Variants in TPD52 observed in about 807,000 individuals in gnomAD.
TPD52 encodes prostate and colon associated protein.
Under a neutral mutation model 31.3 loss-of-function variants are expected in TPD52, and 17 were observed. That is an observed-to-expected ratio of 0.54 (90% CI 0.37 to 0.82). TPD52 has a LOEUF of 0.82. TPD52 is among the 40% of genes least tolerant of loss of function. TPD52 has a pLI of 0.00. For missense variants in TPD52, 212 were observed against 240.1 expected (o/e 0.88, Z 0.77); for synonymous variants, 83 against 89.6 (o/e 0.93, Z 0.42).
chr8:80,049,493 AG>A (rs1179596274), intron 5 of TPD52, among the ~76,000 whole-genome samples: 1 of 152,192 alleles, frequency 6.6e-6, no homozygotes, highest in African/African-American at 2.4e-5. Context: ...TCTGACTTCC[AG>A]GGGTAAGTGT....
chr8:80,078,195 T>C (rs1814810735), intron 1 of TPD52, among the ~76,000 whole-genome samples: 1 of 152,244 alleles, frequency 6.6e-6, no homozygotes, highest in Admixed American at 6.5e-5. Flanking sequence ...AGGAACATCC[T>C]GCCCATAGAT....
chr8:80,158,821 G>A (rs886849875), intron 1 of TPD52: 1 of 149,238 alleles, frequency 6.7e-6, no homozygotes, highest in Non-Finnish European at 1.5e-5. Flanking sequence ...GCGGGCGCCT[G>A]TAGTCCCAGC....
intron 1 of TPD52, among the ~76,000 whole-genome samples, chr8:80,136,647 C>T (rs1809457535): frequency 6.6e-6 from 1 of 151,160 alleles, no homozygotes; most frequent in Admixed American, 6.6e-5. Context: ...TCAAAATCCA[C>T]AACCCAGTAA....
chr8:80,154,054 G>A (rs909496720), intron 1 of TPD52, among the ~76,000 whole-genome samples: 2 of 152,200 alleles, frequency 1.3e-5, no homozygotes, highest in African/African-American at 2.4e-5. Flanking sequence ...AGCAGAACCT[G>A]CCCCACTGTG....
At chr8:80,120,840 G>A (rs1018920461) in intron 1 of TPD52, among the ~76,000 whole-genome samples, 1 of 152,126 alleles carries the variant, frequency 6.6e-6, no homozygotes, top group African/African-American at 2.4e-5. Context: ...AGCACTTTGG[G>A]AGGCTGAAGT....
chr8:80,169,513 C>T (rs2131292731), intron 1 of TPD52, among the ~76,000 whole-genome samples: 1 of 152,358 alleles, frequency 6.6e-6, no homozygotes, highest in East Asian at 1.9e-4. Context: ...TGGAATACTG[C>T]AGTGCTACCA....
intron 1 of TPD52, 92 bp downstream of exon 1, chr8:80,171,333 G>T (rs1201342405): frequency 1.4e-5 from 21 of 1,534,104 alleles, no homozygotes; most frequent in Non-Finnish European, 1.9e-5. Context: ...TGCTCGAGCC[G>T]CCGGGCCGCG....
chr8:80,053,421 C>G lies in TPD52; in HGVS notation c.145G>C (p.Glu49Gln). 1 of 1,612,964 alleles carries G rather than the reference C, an allele frequency of 6.2e-7. No homozygotes were observed. The highest frequency in any genetic ancestry group is 1.1e-5 in the South Asian group (1 of 90,938). Reference protein sequence around the residue: ...LRRELAKVEEEIQTLSQVLAA... With the variant: ...LRRELAKVEEQIQTLSQVLAA... ...AACACTTGAGACAGAGTCTGGATTT[C>G]TTCTTCTACCTATGAGGAAGGGGTT... The change falls in exon 3 of 8, where the codon GAA becomes CAA. Residue 49 changes from glutamate (E) to glutamine (Q), a missense_variant. Coordinates refer to ENST00000518937, the MANE Select transcript of TPD52 (RefSeq NM_001025253.3).
At chr8:80,117,734 C>T (rs1041262986) in intron 1 of TPD52, among the ~76,000 whole-genome samples, 7 of 131,366 alleles carry the variant, frequency 5.3e-5, no homozygotes, top group Admixed American at 8.1e-5. Flanking sequence ...TTTTTTCTTT[C>T]TTTTTTTTTT....
chr8:80,156,116 C>G (rs1019200341), intron 1 of TPD52, among the ~76,000 whole-genome samples: 1 of 152,268 alleles, frequency 6.6e-6, no homozygotes, highest in East Asian at 1.9e-4. Context: ...CTGCTCCACT[C>G]AGCCTCAGTT....
At chr8:80,077,906 C>A (rs533511417) in intron 1 of TPD52, among the ~76,000 whole-genome samples, 1 of 152,268 alleles carries the variant, frequency 6.6e-6, no homozygotes, top group African/African-American at 2.4e-5. Flanking sequence ...GTTGTAAAAT[C>A]CAGTTAGCAG....
rs1198928002 is a variant in TPD52 at position 80,111,305 on chromosome 8, C to T, written c.20-46712G>A. Among the ~76,000 whole-genome samples the T allele has an allele frequency of 5.3e-5, 8 of 152,198 alleles. No individual in the cohort carries two copies. The East Asian group carries it at 1.5e-3, about 29-fold the overall frequency. On this transcript the variant is annotated intron_variant, in intron 1 of 7. Coordinates refer to ENST00000518937, the MANE Select transcript of TPD52 (RefSeq NM_001025253.3). The stretch of plus-strand genomic sequence containing the variant: ...AGTCAGAAATTCCATATTCTGGAGG[C>T]CCTGACTTTGATTGGCATCTGAAGT...
rs531557539 is a variant in TPD52 at position 80,128,001 on chromosome 8, T to G, written c.19+43424A>C. ...TTGGTTTGTATTTCTGTTTTGTTTT[T>G]TTTTTTACATTTTCTAACAAGCAGC... On this transcript the variant is annotated intron_variant, in intron 1 of 7. Coordinates refer to ENST00000518937, the MANE Select transcript of TPD52 (RefSeq NM_001025253.3). Among the ~76,000 whole-genome samples the G allele has an allele frequency of 4.5e-4, 49 of 108,084 alleles. No individual in the cohort carries two copies. The East Asian group carries it at 7.5e-3, about 17-fold the overall frequency. 70.9% of individuals were successfully genotyped at this position (108,084 alleles called of 152,430 possible).
At chr8:80,044,992 T>C (rs1341520526) in intron 5 of TPD52, among the ~76,000 whole-genome samples, 1 of 152,214 alleles carries the variant, frequency 6.6e-6, no homozygotes, top group Non-Finnish European at 1.5e-5. Context: ...CAAATCTAAT[T>C]TTGCATTAAT....
chr8:80,149,989 C>T (rs1404316178), intron 1 of TPD52, among the ~76,000 whole-genome samples: 1 of 152,244 alleles, frequency 6.6e-6, no homozygotes, highest in Non-Finnish European at 1.5e-5. Flanking sequence ...GGGAAAATGT[C>T]TCCTGGGAAT....
chr8:80,144,169 A>G (rs1211900785), intron 1 of TPD52, among the ~76,000 whole-genome samples: 1 of 152,158 alleles, frequency 6.6e-6, no homozygotes, highest in Non-Finnish European at 1.5e-5. Flanking sequence ...AATTTGTGTA[A>G]TATTTTGTAA....
At chr8:80,130,965 A>G (rs2131082419) in intron 1 of TPD52, among the ~76,000 whole-genome samples, 1 of 152,364 alleles carries the variant, frequency 6.6e-6, no homozygotes, top group South Asian at 2.1e-4. Flanking sequence ...ATCTAGGAAG[A>G]AAGTAATTTA....
chr8:80,076,066 T>C (rs1479126738), intron 1 of TPD52, among the ~76,000 whole-genome samples: 1 of 152,206 alleles, frequency 6.6e-6, no homozygotes, highest in Admixed American at 6.5e-5. Context: ...CATAATTCCT[T>C]AAGTCAATAG....
intron 2 of TPD52, among the ~76,000 whole-genome samples, chr8:80,062,376 G>A (rs1053659336): frequency 2.0e-5 from 3 of 151,972 alleles, no homozygotes; most frequent in African/African-American, 7.3e-5. Context: ...AACCATATAC[G>A]CTAATTAACT....
Sources: gnomAD v4.1 joint callset for allele counts (sites outside exome capture counted in the v4.1 genomes callset) on GRCh38, gnomAD v4.1.1 for gene constraint, MANE v1.5 for transcripts, NCBI Gene and HGNC (gene_info 2026-07-23, HGNC 2026-07-21) for gene names.